Variants in PRKN observed in about 807,000 individuals in gnomAD.
PRKN encodes the protein parkin RBR E3 ubiquitin protein ligase.
A neutral mutation model predicts 59.5 loss-of-function variants in PRKN; 56 were observed. That is an observed-to-expected ratio of 0.94 (90% CI 0.76 to 1.18). PRKN has a LOEUF of 1.18. Among genes scored for constraint, PRKN ranks in the 50% most tolerant of loss-of-function variants. PRKN has a pLI of 0.00. For synonymous variants in PRKN, 250 were observed against 222.1 expected, an observed-to-expected ratio of 1.13 and a Z score of -1.12; for missense variants, 657 against 596.4, an observed-to-expected ratio of 1.10 and a Z score of -1.06.
chr6:162,395,814 T>TA (rs1467745128), intron 2 of PRKN, among the ~76,000 whole-genome samples: 1 of 152,236 alleles, frequency 6.6e-6, no homozygotes, highest in East Asian at 1.9e-4. Context: ...CTCTCAGGCC[T>TA]AGTCTGTCTA....
chr6:161,780,790 A>G (rs1371029735), intron 7 of PRKN, among the ~76,000 whole-genome samples: 2 of 152,210 alleles, frequency 1.3e-5, no homozygotes, highest in African/African-American at 2.4e-5. Flanking sequence ...GACATTTAAA[A>G]ACTAAGCAAG....
chr6:162,384,389 G>A (rs1786668955), intron 2 of PRKN, among the ~76,000 whole-genome samples: 1 of 152,074 alleles, frequency 6.6e-6, no homozygotes, highest in Non-Finnish European at 1.5e-5. Flanking sequence ...GAGGAAGAGA[G>A]GTGGGGGAAC....
At chr6:162,349,196 G>C (rs949946085) in intron 2 of PRKN, among the ~76,000 whole-genome samples, 1 of 151,714 alleles carries the variant, frequency 6.6e-6, no homozygotes, top group Non-Finnish European at 1.5e-5. Flanking sequence ...GGCCTGGCAC[G>C]GTGGCTCACG....
At chr6:162,046,418 T>G (rs916527388) in intron 5 of PRKN, among the ~76,000 whole-genome samples, 1 of 152,212 alleles carries the variant, frequency 6.6e-6, no homozygotes, top group Non-Finnish European at 1.5e-5. Flanking sequence ...ACATTCACCT[T>G]GACTAGGAGT....
At chr6:162,584,773 TTCCTCTCCTCTCCTC>T (rs370549659) in intron 1 of PRKN, among the ~76,000 whole-genome samples, 2,448 of 104,242 alleles carry the variant, frequency 0.023, 63 homozygotes, top group Middle Eastern at 0.042. Context: ...CTCTTTTCTT[TTCCTCTCCTCTCCTC>T]TCCCCTCCCC....
chr6:162,293,607 A>G (rs540797719), intron 2 of PRKN, among the ~76,000 whole-genome samples: 1 of 152,260 alleles, frequency 6.6e-6, no homozygotes, highest in African/African-American at 2.4e-5. Flanking sequence ...CTCCACCTCA[A>G]GCCCGGTGGA....
chr6:161,855,212 C>G (rs1293943225), intron 6 of PRKN, among the ~76,000 whole-genome samples: 7 of 151,914 alleles, frequency 4.6e-5, no homozygotes, highest in Admixed American at 4.6e-4. Context: ...GAACCTCTTT[C>G]TGCGATGATC....
Position 161,484,667 on chromosome 6 carries a change from A to G in PRKN, c.1083+64187T>C, listed in dbSNP as rs1169956211. ...CTCAGCACTACTGAAGTTTGAGACC[A>G]GGCCATTCTCACGGGCCCGTTGTGG... On this transcript the variant is annotated intron_variant, in intron 9 of 11. Transcript: ENST00000366898. The surrounding 1 kb of genome is among the most constrained non-coding windows in gnomAD (Gnocchi z 4.9). Among the ~76,000 whole-genome samples the G allele has an allele frequency of 6.6e-6, 1 of 152,154 alleles. No homozygotes were observed. Among genetic ancestry groups the G allele is most frequent in the Admixed American group, 6.5e-5 (1 of 15,272 alleles).
At chr6:161,746,431 T>C in intron 7 of PRKN, among the ~76,000 whole-genome samples, 1 of 151,594 alleles carries the variant, frequency 6.6e-6, no homozygotes, top group Non-Finnish European at 1.5e-5. Flanking sequence ...CCCCCAGCTG[T>C]TATCCCCAAG....
intron 4 of PRKN, among the ~76,000 whole-genome samples, chr6:162,118,103 T>G (rs1325024112): frequency 1.3e-5 from 2 of 149,270 alleles, no homozygotes; most frequent in East Asian, 2.0e-4. Context: ...TCATTAACAT[T>G]TCAAATTTTA....
rs1022612318 is a variant in PRKN at position 161,410,774 on chromosome 6, C to A, written c.1084-23897G>T. Among the ~76,000 whole-genome samples, 1 of 152,078 alleles carries A rather than the reference C, an allele frequency of 6.6e-6. No homozygotes were observed. On this transcript the variant is annotated intron_variant, in intron 9 of 11. Coordinates refer to ENST00000366898, the MANE Select transcript of PRKN (RefSeq NM_004562.3). This position sits in a 1 kb window ranked among gnomAD's most constrained non-coding sequence, Gnocchi z 5.3. ...ATCATTGGTGCTCATGACAACGGCA[C>A]GCCAAGGGGCTTGATGGCAGCAGCC... is the stretch of plus-strand genomic sequence containing the variant.
intron 7 of PRKN, among the ~76,000 whole-genome samples, 158 bp from the exon 8 acceptor site, chr6:161,569,574 C>A (rs1780793039): frequency 6.6e-6 from 1 of 152,218 alleles, no homozygotes; most frequent in Admixed American, 6.5e-5. Flanking sequence ...CAAAAAAAGC[C>A]AAACCCTCAA....
Position 162,651,867 on chromosome 6 carries a change from AAATT to A in PRKN, c.7+75791_7+75794del, listed in dbSNP as rs371116964. Among the ~76,000 whole-genome samples, 90 of 152,348 alleles carry A rather than the reference AAATT, an allele frequency of 5.9e-4. No individual in the cohort carries two copies. In the South Asian group the frequency reaches 0.016, roughly 27 times the overall value. On this transcript the variant is annotated intron_variant, in intron 1 of 11. Coordinates refer to ENST00000366898, the MANE Select transcript of PRKN (RefSeq NM_004562.3). ...GTATAGTTGATTTTCATTCACTAAT[AAATT>A]AATTGTTATAAGTAGATAGTTGACT... is the stretch of plus-strand genomic sequence containing the variant.
At chr6:162,629,132 T>C (rs192414417) in intron 1 of PRKN, among the ~76,000 whole-genome samples, 2 of 152,272 alleles carry the variant, frequency 1.3e-5, no homozygotes, top group East Asian at 3.9e-4. Context: ...GCTTTTGCTA[T>C]GCCTTTCATA....
intron 2 of PRKN, among the ~76,000 whole-genome samples, chr6:162,351,796 G>A (rs994929333): frequency 3.3e-5 from 5 of 152,118 alleles, no homozygotes; most frequent in Admixed American, 6.6e-5. Flanking sequence ...AAAGAATCCA[G>A]TCAAAATGTA....
chr6:161,955,765 G>C (rs557198634), intron 6 of PRKN, among the ~76,000 whole-genome samples: 1 of 152,148 alleles, frequency 6.6e-6, no homozygotes, highest in African/African-American at 2.4e-5. Flanking sequence ...CAGGAGAATC[G>C]CTTGAACTGG....
At chr6:162,377,079 GCA>G (rs933882180) in intron 2 of PRKN, among the ~76,000 whole-genome samples, 16 of 152,134 alleles carry the variant, frequency 1.1e-4, no homozygotes, top group Admixed American at 3.9e-4. Context: ...CGTTCTGGTT[GCA>G]CTTCCATCCT....
intron 1 of PRKN, among the ~76,000 whole-genome samples, chr6:162,604,268 G>A (rs1272375710): frequency 2.0e-5 from 3 of 152,072 alleles, no homozygotes; most frequent in Non-Finnish European, 4.4e-5. Flanking sequence ...CGTTTTAAAG[G>A]GTCTCAGCAC....
chr6:161,956,595 A>G (rs1780178139), intron 6 of PRKN, among the ~76,000 whole-genome samples: 1 of 152,204 alleles, frequency 6.6e-6, no homozygotes, highest in South Asian at 2.1e-4. Context: ...AGTTCCATCC[A>G]TCTATAATTT....
Sources: allele counts gnomAD v4.1 joint callset (sites outside exome capture counted in the v4.1 genomes callset), GRCh38; gene constraint gnomAD v4.1.1; non-coding constraint Gnocchi (gnomAD v3.1); transcripts MANE v1.5; gene names NCBI Gene and HGNC (gene_info 2026-07-23, HGNC 2026-07-21).